Variants in VWDE observed in about 807,000 individuals in gnomAD.
VWDE encodes the protein von Willebrand factor D and EGF domains, also known as von Willebrand factor D and EGF domain-containing protein.
VWDE carries 207 observed loss-of-function variants against 178.4 expected under a neutral mutation model. The ratio of observed to expected loss-of-function variants is 1.16; its 90% CI spans 1.04 to 1.30. The LOEUF is 1.30. VWDE is among the 50% of genes most tolerant of loss of function. The probability of loss-of-function intolerance (pLI) is 0.00; values close to 1 mark genes in which losing one functional copy is unlikely to be tolerated. For synonymous variants in VWDE, 738 were observed against 651.4 expected, an observed-to-expected ratio of 1.13 and a Z score of -2.02; for missense variants, 2,287 against 1,901.3, an observed-to-expected ratio of 1.20 and a Z score of -3.77.
intron 28 of VWDE, among the ~76,000 whole-genome samples, 176 bp downstream of exon 28, chr7:12,333,289 T>G (rs1450885176): frequency 6.6e-6 from 1 of 152,168 alleles, no homozygotes. Context: ...ATCAAAATTT[T>G]ATATAATAAC....
intron 18 of VWDE, among the ~76,000 whole-genome samples, chr7:12,352,564 G>T (rs145661975): frequency 2.6e-5 from 4 of 152,262 alleles, no homozygotes; most frequent in Non-Finnish European, 5.9e-5. Context: ...TGAAGAAATG[G>T]GTCTGTTTGG....
chr7:12,359,603 T>G lies in VWDE; in HGVS notation c.3249A>C (p.Ser1083=), dbSNP rs776417074. The change falls in exon 16 of 29, where the codon TCA becomes TCC. Residue 1083 remains serine (S), a synonymous_variant. Coordinates refer to ENST00000275358, the MANE Select transcript of VWDE (RefSeq NM_001135924.3). ...SPCLICRPKI[S]RFTWSFLENN... ...TTTCTAAAAATGACCAAGTAAATCT[T>G]GAAATTTTGGGTCTACAAATCAAAC... 14 of 1,549,920 alleles carry G rather than the reference T, an allele frequency of 9.0e-6. 1 individual carries two copies. In the South Asian group the frequency reaches 1.5e-4, roughly 17 times the overall value.
At chr7:12,385,037 G>T (rs937770066) in intron 3 of VWDE, among the ~76,000 whole-genome samples, 2 of 152,140 alleles carry the variant, frequency 1.3e-5, no homozygotes, top group African/African-American at 4.8e-5. Context: ...TTTCCATAGA[G>T]TCTTCTAAAT....
rs1409023265 is a variant in VWDE, at chr7:12,361,269, T to C, written c.3055-18A>G. Reference sequence around the variant, plus strand: ...TTAGATACCTGTAACATAATAGTTCTATAATAAGATGATTTGTTCTAAATG... The same window carrying C: ...TTAGATACCTGTAACATAATAGTTCCATAATAAGATGATTTGTTCTAAATG... On this transcript the variant is annotated intron_variant, in intron 14 of 28. Transcript: ENST00000275358. 2.6e-6 allele frequency: 4 copies of C among 1,535,690 alleles called. No individual in the cohort carries two copies. In the African/African-American group the frequency reaches 4.1e-5, roughly 16 times the overall value.
Position 12,371,632 on chromosome 7 carries a change from C to T in VWDE, c.1588-768G>A, listed in dbSNP as rs149938844. ...TTACAAAAATGGTCTGTGTTAGTTA[C>T]ATTAAATTATTTTAAAAACAAATTT... On this transcript the variant is annotated intron_variant, in intron 10 of 28. Transcript: ENST00000275358. Among the ~76,000 whole-genome samples the T allele has an allele frequency of 9.4e-3, 1,426 of 152,100 alleles. 25 individuals carry two copies. The highest frequency in any genetic ancestry group is 0.032 in the African/African-American group (1,315 of 41,502).
At chr7:12,333,650 T>C in intron 27 of VWDE, 82 bp from the exon 28 acceptor site, 1 of 901,942 alleles carries the variant, frequency 1.1e-6, no homozygotes, top group Non-Finnish European at 1.8e-6. Context: ...TCTGGGGCTA[T>C]CTGGTGATTG....
chr7:12,340,476 C>A lies in VWDE; in HGVS notation c.4271-59G>T, dbSNP rs776384230. The A allele has an allele frequency of 1.1e-4, 142 of 1,333,134 alleles. No homozygotes were observed. The Middle Eastern group carries it at 0.01, about 94-fold the overall frequency. The allele number at this position is 1,333,134 out of a possible 1,614,324, so 82.6% of individuals were successfully genotyped here. ...AGTTTTATTATTTAAAAAATGAAAG[C>A]TGCACAGAAGTGCAAAATGGTGCAT... On this transcript the variant is annotated intron_variant, in intron 23 of 28. Coordinates refer to ENST00000275358, the MANE Select transcript of VWDE (RefSeq NM_001135924.3).
At chr7:12,356,633 A>G (rs1397802314) in intron 17 of VWDE, among the ~76,000 whole-genome samples, 1 of 152,242 alleles carries the variant, frequency 6.6e-6, no homozygotes, top group Non-Finnish European at 1.5e-5. Flanking sequence ...AAATCATTAA[A>G]GTGGAAAGCA....
chr7:12,393,955 G>C (rs929698579), intron 1 of VWDE, among the ~76,000 whole-genome samples, 177 bp from the exon 2 acceptor site: 1 of 152,122 alleles, frequency 6.6e-6, no homozygotes, highest in African/African-American at 2.4e-5. Context: ...TAACTAACTT[G>C]CATGTTTCAT....
chr7:12,361,748 C>A (rs765630315), intron 13 of VWDE, among the ~76,000 whole-genome samples: 3 of 151,866 alleles, frequency 2.0e-5, no homozygotes, highest in African/African-American at 2.4e-5. Context: ...CATTTCTTGG[C>A]GGTTCAAATC....
rs1032110306 is a variant in VWDE at position 12,393,662 on chromosome 7, G to A, written c.175C>T (p.Leu59Phe). Reference protein sequence around the residue: ...AVQDLICDHSLSPGWYRFLIL... With the variant: ...AVQDLICDHSFSPGWYRFLIL... The stretch of plus-strand genomic sequence containing the variant: ...AGAAATCTATACCATCCAGGGGAGA[G>A]GGAATGGTCACATATTAGGTCTTGA... The change falls in exon 2 of 29, where the codon CTC becomes TTC. Residue 59 changes from leucine (L) to phenylalanine (F), a missense_variant. Physicochemically the swap from Leu to Phe is conservative, Grantham distance 22 (BLOSUM62 0). Transcript: ENST00000275358. The A allele has an allele frequency of 5.2e-6, 8 of 1,551,110 alleles. No homozygotes were observed. The highest frequency in any genetic ancestry group is 7.0e-6 in the Non-Finnish European group (8 of 1,146,690).
In VWDE at chr7:12,343,981, G is replaced by A. The variant is rs1232961010; in HGVS notation, c.4078+214C>T. ...TTTTACCAATAACAAATAAGCTATT[G>A]CCCCTTGAATCTCTGATTTCAGAAA... On this transcript the variant is annotated intron_variant, in intron 21 of 28. Coordinates refer to ENST00000275358, the MANE Select transcript of VWDE (RefSeq NM_001135924.3). 2.6e-5 allele frequency among the ~76,000 whole-genome samples: 4 copies of A among 151,894 alleles called. No homozygotes were observed. The East Asian group carries it at 5.8e-4, about 22-fold the overall frequency.
chr7:12,370,900 T>G, intron 10 of VWDE, 36 bp from the exon 11 acceptor site: 2 of 1,446,546 alleles, frequency 1.4e-6, no homozygotes, highest in Middle Eastern at 1.8e-4. Flanking sequence ...ATAAAAGATG[T>G]TGAAGCAATA....
intron 2 of VWDE, among the ~76,000 whole-genome samples, chr7:12,391,217 G>A (rs965767658): frequency 1.3e-5 from 2 of 152,320 alleles, no homozygotes; most frequent in African/African-American, 2.4e-5. Flanking sequence ...AGATTATGAA[G>A]AAATGTTGTT....
intron 10 of VWDE, 130 bp downstream of exon 10, chr7:12,372,847 G>C (rs895230239): frequency 2.4e-6 from 2 of 845,636 alleles, no homozygotes; most frequent in Non-Finnish European, 3.6e-6. Context: ...CCTCTAAGAT[G>C]ATGGTTAATA....
chr7:12,369,346 A>T (rs1355518955), intron 12 of VWDE, among the ~76,000 whole-genome samples, 199 bp downstream of exon 12: 3 of 152,250 alleles, frequency 2.0e-5, no homozygotes, highest in Non-Finnish European at 4.4e-5. Context: ...CTAGGCTGTT[A>T]TAAGTTACTT....
chr7:12,340,160 T>C (rs1781247782), intron 24 of VWDE, among the ~76,000 whole-genome samples, 162 bp downstream of exon 24: 1 of 152,200 alleles, frequency 6.6e-6, no homozygotes, highest in South Asian at 2.1e-4. Context: ...CTTTGATATA[T>C]TTTTGTAAGC....
chr7:12,388,735 A>G (rs187373964), intron 3 of VWDE: 1 of 330,738 alleles, frequency 3.0e-6, no homozygotes, highest in East Asian at 7.7e-5. Flanking sequence ...CACAGGATAA[A>G]CATTCAATAA....
chr7:12,354,739 A>G (rs1394023525), intron 18 of VWDE, among the ~76,000 whole-genome samples: 2 of 152,218 alleles, frequency 1.3e-5, no homozygotes, highest in African/African-American at 4.8e-5. Context: ...TGTAAATAAG[A>G]TGAGTTAAGA....
Sources: gnomAD v4.1 joint callset for allele counts (sites outside exome capture counted in the v4.1 genomes callset) on GRCh38, gnomAD v4.1.1 for gene constraint, MANE v1.5 for transcripts, NCBI Gene and HGNC (gene_info 2026-07-23, HGNC 2026-07-21) for gene names.